DPYS: variants seen among roughly 807,000 people sequenced by gnomAD.
DPYS encodes dihydropyrimidinase, also known as dihydropyrimidine amidohydrolase.
In DPYS, 39 loss-of-function variants were observed where a neutral mutation model predicts 50.3. The ratio of observed to expected loss-of-function variants is 0.78; its 90% confidence interval spans 0.60 to 1.01. The LOEUF (loss-of-function observed/expected upper bound fraction) is 1.01. Among genes scored for constraint, DPYS ranks in the 50% least tolerant of loss-of-function variants. The probability of loss-of-function intolerance (pLI) is 0.00; values close to 1 mark genes in which losing one functional copy is unlikely to be tolerated. For missense variants in DPYS, 659 were observed against 680.9 expected (o/e 0.97, Z 0.36); for synonymous variants, 245 against 250.7 (o/e 0.98, Z 0.22).
chr8:104,433,313 G>A (rs1327218796), intron 4 of DPYS, among the ~76,000 whole-genome samples: 2 of 152,066 alleles, frequency 1.3e-5, no homozygotes, highest in East Asian at 3.8e-4. Flanking sequence ...ATAGCCACAC[G>A]ATTCTATTTT....
intron 6 of DPYS, among the ~76,000 whole-genome samples, chr8:104,425,003 T>C (rs1812673609): frequency 6.6e-6 from 1 of 151,980 alleles, no homozygotes; most frequent in Admixed American, 6.6e-5. Flanking sequence ...GCTAATTTTC[T>C]GTATTTAGTA....
chr8:104,391,529 A>T (rs1811389392), intron 8 of DPYS, among the ~76,000 whole-genome samples: 1 of 152,196 alleles, frequency 6.6e-6, no homozygotes. Flanking sequence ...TAGATTTTTT[A>T]AATCTAAAAT....
At chr8:104,394,796 C>T (rs953883419) in intron 7 of DPYS, among the ~76,000 whole-genome samples, 1 of 147,928 alleles carries the variant, frequency 6.8e-6, no homozygotes, top group Non-Finnish European at 1.5e-5. Flanking sequence ...TGAGAAATAG[C>T]TGCCATGGAA....
At chr8:104,429,788 C>G in intron 4 of DPYS, 87 bp from the exon 5 acceptor site, 1 of 1,533,602 alleles carries the variant, frequency 6.5e-7, no homozygotes, top group African/African-American at 1.4e-5. Flanking sequence ...ATCTTTTCTC[C>G]CCTAGCAGAG....
At chr8:104,401,413 G>A (rs2140544481) in intron 7 of DPYS, among the ~76,000 whole-genome samples, 1 of 152,050 alleles carries the variant, frequency 6.6e-6, no homozygotes, top group South Asian at 2.1e-4. Flanking sequence ...TCATGTAGCT[G>A]AGATATAAAT....
At position 104,428,062 on chromosome 8, in the gene DPYS, A is replaced by G. The variant is rs530911437; in HGVS notation, c.1010T>C (p.Leu337Pro). The G allele has an allele frequency of 1.5e-4, 239 of 1,614,174 alleles. 4 individuals carry two copies. In the South Asian group the frequency reaches 2.5e-3, roughly 17 times the overall value. Residue 337 changes from leucine to proline, a missense_variant, in exon 6 of 10, where the codon CTT (leucine) becomes CCT (proline). By Grantham distance (98) the Leu-to-Pro change is moderately conservative. Transcript: ENST00000351513. Reference protein sequence around the residue: ...NCTFNTCQKALGKDDFTKIPN... With the variant: ...NCTFNTCQKAPGKDDFTKIPN... ...GATCTTGGTAAAATCATCCTTCCCA[A>G]GAGCTTTCTGGCAGGTGTTGAAAGT...
chr8:104,462,530 GA>G (rs1814207288), intron 1 of DPYS, among the ~76,000 whole-genome samples: 1 of 151,854 alleles, frequency 6.6e-6, no homozygotes. Flanking sequence ...TTACAATAAA[GA>G]AAAAACAAAA....
At chr8:104,400,158 T>C (rs1460509481) in intron 7 of DPYS, among the ~76,000 whole-genome samples, 3 of 152,152 alleles carry the variant, frequency 2.0e-5, no homozygotes. Context: ...GAGCTCCCCA[T>C]GGCCTTCCCA....
intron 1 of DPYS, among the ~76,000 whole-genome samples, chr8:104,463,503 G>T (rs933060622): frequency 2.6e-5 from 4 of 152,172 alleles, no homozygotes; most frequent in African/African-American, 9.7e-5. Context: ...ATAGGTAACA[G>T]CTTTAGCGAC....
chr8:104,396,531 G>T (rs1189784062), intron 7 of DPYS, among the ~76,000 whole-genome samples: 1 of 152,110 alleles, frequency 6.6e-6, no homozygotes, highest in African/African-American at 2.4e-5. Flanking sequence ...AGGCATTTAT[G>T]AAAGACTAGA....
At chr8:104,461,550 T>G (rs1814169802) in intron 1 of DPYS, among the ~76,000 whole-genome samples, 1 of 152,096 alleles carries the variant, frequency 6.6e-6, no homozygotes, top group Non-Finnish European at 1.5e-5. Flanking sequence ...GTCACAGCAT[T>G]GCTATATAGT....
At chr8:104,459,395 T>C (rs563006639) in intron 1 of DPYS, among the ~76,000 whole-genome samples, 2 of 152,348 alleles carry the variant, frequency 1.3e-5, no homozygotes, top group South Asian at 4.1e-4. Flanking sequence ...CATATACCTC[T>C]AGTCTGTTTA....
chr8:104,422,577 C>T (rs1812584365), intron 7 of DPYS, among the ~76,000 whole-genome samples: 1 of 152,142 alleles, frequency 6.6e-6, no homozygotes. Context: ...TTTAAAAACC[C>T]ACGAGAGCTG....
chr8:104,391,309 A>C (rs1811379953), intron 8 of DPYS, among the ~76,000 whole-genome samples: 1 of 152,216 alleles, frequency 6.6e-6, no homozygotes, highest in African/African-American at 2.4e-5. Flanking sequence ...GGTACATTTG[A>C]AAAATGGAAA....
chr8:104,380,518 A>C (rs1810998110), intron 9 of DPYS: 1 of 152,708 alleles, frequency 6.5e-6, no homozygotes, highest in Non-Finnish European at 1.5e-5. Flanking sequence ...CTGTTAAATG[A>C]GGATCTGAGA....
At chr8:104,421,041 G>A (rs1302085763) in intron 7 of DPYS, 1 of 152,190 alleles carries the variant, frequency 6.6e-6, no homozygotes, top group Non-Finnish European at 1.5e-5. Context: ...ATATGAAAGA[G>A]TGGATTTTCA....
chr8:104,464,583 T>C (rs571765597), intron 1 of DPYS, among the ~76,000 whole-genome samples: 1 of 152,358 alleles, frequency 6.6e-6, no homozygotes, highest in East Asian at 1.9e-4. Context: ...ACTTTGTTAA[T>C]GATAAGTCTG....
intron 4 of DPYS, among the ~76,000 whole-genome samples, chr8:104,441,452 A>G (rs570242903): frequency 2.6e-4 from 39 of 152,346 alleles, no homozygotes; most frequent in African/African-American, 8.9e-4. Flanking sequence ...ATATGATTAA[A>G]TTAAGGCCCT....
At chr8:104,417,592 A>G (rs1393490581) in intron 7 of DPYS, among the ~76,000 whole-genome samples, 1 of 151,324 alleles carries the variant, frequency 6.6e-6, no homozygotes, top group Non-Finnish European at 1.5e-5. Flanking sequence ...TGAAACTTTG[A>G]CCCAAGTAGT....
Sources: gnomAD v4.1 joint callset for allele counts (sites outside exome capture counted in the v4.1 genomes callset) on GRCh38, gnomAD v4.1.1 for gene constraint, MANE v1.5 for transcripts, NCBI Gene and HGNC (gene_info 2026-07-23, HGNC 2026-07-21) for gene names.